The following OBI1 variants were observed in gnomAD, a reference collection of about 807,000 sequenced individuals.
OBI1 encodes the protein ORC ubiquitin ligase 1, also known as ring finger protein 219.
OBI1 carries 59 observed loss-of-function variants against 62.4 expected under a neutral mutation model. That is an observed-to-expected ratio of 0.95 (90% confidence interval 0.77 to 1.17). The LOEUF is 1.17. OBI1 is among the 50% of genes most tolerant of loss of function. The pLI, the probability that OBI1 is intolerant of heterozygous loss-of-function variation, is 0.00. For missense variants in OBI1, 875 were observed against 830.9 expected, an observed-to-expected ratio of 1.05 and a Z score of -0.65; for synonymous variants, 302 against 292.8, an observed-to-expected ratio of 1.03 and a Z score of -0.32.
chr13:78,658,928 A>AGCGTTTTCTCC, intron 1 of OBI1, 121 bp downstream of exon 1: 1 of 766,140 alleles, frequency 1.3e-6, no homozygotes. Context: ...AACGCGGGTT[A>AGCGTTTTCTCC]GCGTTTTCTC....
chr13:78,652,790 G>GT (rs929523711), intron 1 of OBI1, among the ~76,000 whole-genome samples: 5 of 152,122 alleles, frequency 3.3e-5, no homozygotes, highest in African/African-American at 1.2e-4. Flanking sequence ...CAGAGCTCAG[G>GT]TGGTAATACT....
intron 3 of OBI1, among the ~76,000 whole-genome samples, chr13:78,641,396 G>T (rs1230266099): frequency 2.0e-5 from 3 of 152,134 alleles, no homozygotes; most frequent in African/African-American, 7.2e-5. Context: ...TTTTGAGGCA[G>T]TTGAGGCACC....
intron 4 of OBI1, among the ~76,000 whole-genome samples, chr13:78,637,821 C>G (rs1241337164): frequency 3.9e-5 from 6 of 152,134 alleles, no homozygotes; most frequent in African/African-American, 1.4e-4. Context: ...TCACCCTGGC[C>G]TTTTCTGAGC....
At chr13:78,628,975 G>A (rs1875764106) in intron 5 of OBI1, among the ~76,000 whole-genome samples, 1 of 152,058 alleles carries the variant, frequency 6.6e-6, no homozygotes, top group Non-Finnish European at 1.5e-5. Context: ...AAAGCCCTAA[G>A]CTAACTGATT....
At chr13:78,645,057 GT>G in intron 1 of OBI1, 60 bp from the exon 2 acceptor site, 8 of 1,506,530 alleles carry the variant, frequency 5.3e-6, no homozygotes, top group Non-Finnish European at 7.2e-6. Context: ...AGATCAAATG[GT>G]TTAGTTTACA....
intron 5 of OBI1, among the ~76,000 whole-genome samples, chr13:78,626,302 T>A (rs1384478913): frequency 6.6e-6 from 1 of 152,204 alleles, no homozygotes; most frequent in Non-Finnish European, 1.5e-5. Context: ...ATAAGGACTC[T>A]TTCCTTCTGT....
At position 78,616,036 on chromosome 13, in the gene OBI1, T is replaced by A. The variant is rs1201887927; in HGVS notation, c.1725A>T (p.Glu575Asp). The A allele has an allele frequency of 6.2e-7, 1 of 1,614,146 alleles. No individual in the cohort carries two copies. Among genetic ancestry groups the A allele is most frequent in the South Asian group, 1.1e-5 (1 of 91,080 alleles). ...DGLSKSSQGSEFLEEPDKLEE... is the reference protein window; with the variant it reads ...DGLSKSSQGSDFLEEPDKLEE... ...CCAACTTATCAGGTTCCTCAAGAAA[T>A]TCACTGCCTTGAGATGACTTTGATA... The change falls in exon 6 of 6, where the codon GAA becomes GAT. Residue 575 changes from glutamate (E) to aspartate (D), a missense_variant. Transcript: ENST00000282003.
chr13:78,650,980 G>T (rs758887310), intron 1 of OBI1, among the ~76,000 whole-genome samples: 14 of 151,984 alleles, frequency 9.2e-5, no homozygotes, highest in Non-Finnish European at 1.9e-4. Context: ...CCAGACGCTG[G>T]TATTATACAT....
intron 2 of OBI1, 36 bp from the exon 3 acceptor site, chr13:78,642,249 T>A (rs762547522): frequency 7.9e-7 from 1 of 1,259,490 alleles, no homozygotes; most frequent in Non-Finnish European, 1.2e-6. Flanking sequence ...AATTTTTCAT[T>A]CTGATTCGGG....
At chr13:78,656,732 G>T (rs1341175848) in intron 1 of OBI1, among the ~76,000 whole-genome samples, 2 of 57,316 alleles carry the variant, frequency 3.5e-5, no homozygotes, top group Non-Finnish European at 7.4e-5. Flanking sequence ...TGGTACCTGG[G>T]GGGGGGGGGG....
intron 5 of OBI1, among the ~76,000 whole-genome samples, chr13:78,627,036 A>G (rs1040578381): frequency 6.6e-6 from 1 of 152,216 alleles, no homozygotes; most frequent in African/African-American, 2.4e-5. Flanking sequence ...ACTGCACTCC[A>G]GCCTGGGCGA....
At chr13:78,622,158 A>C (rs1196913194) in intron 5 of OBI1, among the ~76,000 whole-genome samples, 2 of 152,216 alleles carry the variant, frequency 1.3e-5, no homozygotes, top group Non-Finnish European at 1.5e-5. Context: ...TTAATTACTA[A>C]GACTGCTTTG....
At position 78,615,806 on chromosome 13, in the gene OBI1, T is replaced by C. The variant is rs1875252935; in HGVS notation, c.1955A>G (p.Gln652Arg). The C allele has an allele frequency of 3.1e-6, 5 of 1,613,822 alleles. No individual in the cohort carries two copies. The highest frequency in any genetic ancestry group is 4.2e-6 in the Non-Finnish European group (5 of 1,179,918). The change falls in exon 6 of 6, where the codon CAG becomes CGG. Residue 652 changes from glutamine (Q) to arginine (R), a missense_variant. Coordinates refer to ENST00000282003, the MANE Select transcript of OBI1 (RefSeq NM_024546.4). ...ATGTGAACTGCTTAACAAAATGCCCTGGGAAAACTCTGTCTGAAACAAGCA... is the reference window on the plus strand; with the variant it reads ...ATGTGAACTGCTTAACAAAATGCCCCGGGAAAACTCTGTCTGAAACAAGCA... The part of the protein sequence containing the change: ...PSCLFQTEFS[Q>R]GILLSSSHRL...
In OBI1 at chr13:78,616,160, T is replaced by A; in HGVS notation, c.1601A>T (p.Tyr534Phe). ...ATCCAACTCAGAGATTTTGTCAAGG[T>A]AAGCAGCATCCATCGATGCTTCACT... ...TSSEASMDAA[Y>F]LDKISELDSM... Residue 534 changes from tyrosine (Y) to phenylalanine (F), a missense_variant, in exon 6 of 6, where the codon TAC becomes TTC. Tyr to Phe is a conservative substitution (Grantham distance 22, BLOSUM62 3). Transcript: ENST00000282003. 6.2e-7 allele frequency: 1 copy of A among 1,614,158 alleles called. No homozygotes were observed. The highest frequency in any genetic ancestry group is 8.5e-7 in the Non-Finnish European group (1 of 1,180,008).
intron 4 of OBI1, among the ~76,000 whole-genome samples, chr13:78,635,605 G>A (rs7986100): frequency 0.37 from 55,997 of 151,884 alleles, 10,637 homozygotes; most frequent in African/African-American, 0.39. Context: ...CTTTGAAATT[G>A]ATTTCTGGGG....
chr13:78,633,256 T>C (rs1024464119), intron 5 of OBI1, among the ~76,000 whole-genome samples: 10 of 152,154 alleles, frequency 6.6e-5, no homozygotes, highest in African/African-American at 2.4e-4. Context: ...AAGTAGGACA[T>C]TATCTGAAGT....
At chr13:78,656,799 T>TA (rs1678459364) in intron 1 of OBI1, among the ~76,000 whole-genome samples, 1 of 139,588 alleles carries the variant, frequency 7.2e-6, no homozygotes, top group Non-Finnish European at 1.6e-5. Context: ...TTAATTTTTT[T>TA]TTTTTTTTTT....
chr13:78,653,639 G>A (rs1366944485), intron 1 of OBI1, among the ~76,000 whole-genome samples: 1 of 152,168 alleles, frequency 6.6e-6, no homozygotes, highest in Admixed American at 6.5e-5. Context: ...GTGCCTGAAG[G>A]AAGTGAGATC....
intron 5 of OBI1, among the ~76,000 whole-genome samples, chr13:78,618,820 CTTCT>C (rs1875413648): frequency 2.0e-5 from 3 of 152,238 alleles, no homozygotes; most frequent in South Asian, 4.1e-4. Flanking sequence ...GGGAATTTTT[CTTCT>C]TTGTTAAAAA....
Sources: allele counts gnomAD v4.1 joint callset (sites outside exome capture counted in the v4.1 genomes callset), GRCh38; gene constraint gnomAD v4.1.1; transcripts MANE v1.5; gene names NCBI Gene and HGNC (gene_info 2026-07-23, HGNC 2026-07-21).